The following MTA1 variants were observed in gnomAD, a reference collection of about 807,000 sequenced individuals.
MTA1 encodes metastasis associated 1.
A neutral mutation model predicts 97.0 loss-of-function variants in MTA1; 15 were observed. That is an observed-to-expected ratio of 0.15 (90% CI 0.10 to 0.24). MTA1 has a LOEUF of 0.24. Ranked by LOEUF, MTA1 falls within the 10% of genes least tolerant of loss-of-function variation. The pLI, the probability that MTA1 is intolerant of heterozygous loss-of-function variation, is 1.00. For synonymous variants in MTA1, 435 were observed against 417.5 expected, an observed-to-expected ratio of 1.04 and a Z score of -0.51; for missense variants, 709 against 1,015.1, an observed-to-expected ratio of 0.70 and a Z score of 4.10.
Position 105,466,428 on chromosome 14 carries a change from A to ACCCCCCCCCCCC in MTA1, c.1630_1631insCCCCCCCCCCCC (p.Thr543_His544insProProProPro). 1.3e-6 allele frequency: 1 copy of ACCCCCCCCCCCC among 795,152 alleles called. No homozygotes were observed. The highest frequency in any genetic ancestry group is 1.4e-5 in the South Asian group (1 of 73,846). The allele number at this position is 795,152 out of a possible 1,614,324, so 49.3% of individuals were successfully genotyped here. On this transcript the variant is annotated inframe_insertion, in exon 17 of 21. Transcript: ENST00000331320. ...TCTGCCTGTGTCATTCCCGGCAGAG[A>ACCCCCCCCCCCC]CCCACCCCCGCCCCCCCAAGCCTGA... is the stretch of plus-strand genomic sequence containing the variant.
intron 2 of MTA1, among the ~76,000 whole-genome samples, chr14:105,441,332 C>G (rs2082505581): frequency 2.0e-5 from 3 of 152,252 alleles, no homozygotes; most frequent in Non-Finnish European, 4.4e-5. Context: ...ACAGACCCAG[C>G]TGCTGGCATC....
intron 3 of MTA1, among the ~76,000 whole-genome samples, chr14:105,448,067 G>T (rs782227121): frequency 6.6e-6 from 1 of 152,154 alleles, no homozygotes; most frequent in Non-Finnish European, 1.5e-5. Context: ...CCCTCCCCCC[G>T]GCAGGGCTGT....
intron 1 of MTA1, among the ~76,000 whole-genome samples, chr14:105,427,040 G>A (rs1204847284): frequency 3.9e-5 from 6 of 152,182 alleles, no homozygotes; most frequent in Non-Finnish European, 7.4e-5. Flanking sequence ...GGAGGGTCCC[G>A]GACAGGCAGG....
At chr14:105,441,117 G>T (rs2141495082) in intron 2 of MTA1, among the ~76,000 whole-genome samples, 1 of 152,222 alleles carries the variant, frequency 6.6e-6, no homozygotes, top group Admixed American at 6.5e-5. Flanking sequence ...TGTCTGGGGG[G>T]TCAGGTGGTC....
chr14:105,460,714 G>A (rs782320046), intron 9 of MTA1, 51 bp from the exon 10 acceptor site: 11 of 1,503,816 alleles, frequency 7.3e-6, no homozygotes, highest in Non-Finnish European at 7.1e-6. Flanking sequence ...CGTGCCACAG[G>A]TGCAGGAAAA....
chr14:105,460,971 C>T lies in MTA1; in HGVS notation c.942+18C>T, dbSNP rs369107390. On this transcript the variant is annotated intron_variant, in intron 10 of 20. Transcript: ENST00000331320. ...AAGATTTTGTGAGTACCGTGGGTGG[C>T]GATGGGGGAGTGGCTGGCCATGCCC... 1.5e-5 allele frequency: 24 copies of T among 1,598,232 alleles called. No individual in the cohort carries two copies. The highest frequency in any genetic ancestry group is 2.0e-5 in the Non-Finnish European group (23 of 1,171,982).
intron 4 of MTA1, among the ~76,000 whole-genome samples, chr14:105,449,614 G>T (rs587626331): frequency 6.6e-6 from 1 of 152,336 alleles, no homozygotes; most frequent in South Asian, 2.1e-4. Context: ...TGACCTGCTG[G>T]TGTGGGAGGT....
At chr14:105,469,446 C>A in intron 18 of MTA1, 21 bp from the exon 19 acceptor site, 1 of 1,612,800 alleles carries the variant, frequency 6.2e-7, no homozygotes, top group Non-Finnish European at 8.5e-7. Flanking sequence ...GGCCTCATTT[C>A]TCTCCTCCAT....
intron 3 of MTA1, 105 bp downstream of exon 3, chr14:105,445,616 G>A (rs965374192): frequency 8.5e-7 from 1 of 1,172,396 alleles, no homozygotes. Flanking sequence ...GGCCTCGTGG[G>A]GCCACCCTCT....
chr14:105,440,196 G>C (rs1555425321), intron 2 of MTA1, among the ~76,000 whole-genome samples: 2 of 152,238 alleles, frequency 1.3e-5, no homozygotes, highest in African/African-American at 4.8e-5. Flanking sequence ...GGCCACTTGG[G>C]TACTGCCGGA....
chr14:105,463,201 G>A lies in MTA1; in HGVS notation c.960G>A (p.Leu320=). 1.2e-6 allele frequency: 2 copies of A among 1,611,604 alleles called. No homozygotes were observed. The highest frequency in any genetic ancestry group is 2.2e-5 in the East Asian group (1 of 44,840). The change falls in exon 11 of 21, where the codon CTG becomes CTA. Residue 320 remains leucine (L), a synonymous_variant. Transcript: ENST00000331320. The surrounding 1 kb of genome is among the most constrained non-coding windows in gnomAD (Gnocchi z 5.9). ...CCACCCAGCTCCCGTGGAAGTCGCT[G>A]ACCAGCATCATTGAGTACTACTACA... The part of the protein sequence containing the change: ...IQQDFLPWKS[L]TSIIEYYYMW...
intron 2 of MTA1, among the ~76,000 whole-genome samples, chr14:105,444,992 C>CG: frequency 6.6e-6 from 1 of 152,250 alleles, no homozygotes; most frequent in African/African-American, 2.4e-5. Context: ...TGGTCCCATG[C>CG]GGGGGGTCCA....
intron 1 of MTA1, among the ~76,000 whole-genome samples, chr14:105,435,969 G>A (rs374934389): frequency 7.1e-4 from 108 of 152,118 alleles, no homozygotes; most frequent in African/African-American, 2.5e-3. Flanking sequence ...TATTGATCTT[G>A]TTAATAACCA....
At chr14:105,446,909 G>A (rs1204400566) in intron 3 of MTA1, among the ~76,000 whole-genome samples, 1 of 152,206 alleles carries the variant, frequency 6.6e-6, no homozygotes, top group Non-Finnish European at 1.5e-5. Flanking sequence ...GCTCAGAGGA[G>A]GGGAGCGTTC....
chr14:105,448,069 C>T (rs972426146), intron 3 of MTA1, among the ~76,000 whole-genome samples: 1 of 152,130 alleles, frequency 6.6e-6, no homozygotes, highest in Non-Finnish European at 1.5e-5. Context: ...CTCCCCCCGG[C>T]AGGGCTGTGA....
intron 7 of MTA1, among the ~76,000 whole-genome samples, chr14:105,455,207 C>A (rs1420426919): frequency 6.6e-6 from 1 of 152,238 alleles, no homozygotes; most frequent in Non-Finnish European, 1.5e-5. Context: ...CACCTGGCCT[C>A]ATTTTTTAAA....
intron 1 of MTA1, among the ~76,000 whole-genome samples, chr14:105,421,989 CTT>C (rs1386582121): frequency 1.3e-5 from 2 of 152,218 alleles, no homozygotes; most frequent in Admixed American, 6.5e-5. Flanking sequence ...CTGCTGGTCT[CTT>C]TTCCTGTGAT....
Position 105,463,307 on chromosome 14 carries a change from TGC to T in MTA1, c.1017+52_1017+53del, listed in dbSNP as rs782435392. ...CCCGGGGTGTGCCGCCTCCCCGTCC[TGC>T]GCCCCATCCTCTCCCAGCAGGTGGG... is the stretch of plus-strand genomic sequence containing the variant. On this transcript the variant is annotated intron_variant, in intron 11 of 20. Transcript: ENST00000331320. The surrounding 1 kb of genome is among the most constrained non-coding windows in gnomAD (Gnocchi z 5.9). 2.5e-6 allele frequency: 4 copies of T among 1,597,528 alleles called. No individual in the cohort carries two copies. The highest frequency in any genetic ancestry group is 3.4e-6 in the Non-Finnish European group (4 of 1,168,244).
chr14:105,464,306 T>C (rs1361319911), intron 13 of MTA1, 110 bp from the exon 14 acceptor site: 21 of 1,272,164 alleles, frequency 1.7e-5, no homozygotes, highest in Non-Finnish European at 2.0e-5. Context: ...TCGGGGAACG[T>C]GTGGGGGTGC....
Sources: allele counts gnomAD v4.1 joint callset (sites outside exome capture counted in the v4.1 genomes callset), GRCh38; gene constraint gnomAD v4.1.1; non-coding constraint Gnocchi (gnomAD v3.1); transcripts MANE v1.5; gene names NCBI Gene and HGNC (gene_info 2026-07-23, HGNC 2026-07-21).